NTNG1: variants seen among roughly 807,000 people sequenced by gnomAD.
NTNG1 encodes netrin-G1.
In NTNG1, 16 loss-of-function variants were observed where a neutral mutation model predicts 54.0. The observed-to-expected ratio is 0.30, with a 90% CI of 0.20 to 0.45. The LOEUF (loss-of-function observed/expected upper bound fraction) is 0.45, where lower values mean the gene tolerates loss of function less well. Among genes scored for constraint, NTNG1 ranks in the 20% least tolerant of loss-of-function variants. The probability of loss-of-function intolerance (pLI) is 1.00; values close to 1 mark genes in which losing one functional copy is unlikely to be tolerated. For synonymous variants in NTNG1, 255 were observed against 263.1 expected (o/e 0.97, Z 0.30); for missense variants, 530 against 678.7 (o/e 0.78, Z 2.43).
At chr1:107,362,991 C>T (rs1198081563) in intron 3 of NTNG1, among the ~76,000 whole-genome samples, 1 of 152,082 alleles carries the variant, frequency 6.6e-6, no homozygotes, top group Non-Finnish European at 1.5e-5. Context: ...CCATGGCTGG[C>T]TTTTATCATA....
intron 2 of NTNG1, among the ~76,000 whole-genome samples, chr1:107,219,281 A>G (rs1660185609): frequency 6.6e-6 from 1 of 151,906 alleles, no homozygotes; most frequent in Non-Finnish European, 1.5e-5. Context: ...TTTTATATTT[A>G]TCCTCTCTAT....
intron 2 of NTNG1, among the ~76,000 whole-genome samples, chr1:107,298,846 C>T (rs1002669915): frequency 1.3e-5 from 2 of 152,112 alleles, no homozygotes; most frequent in African/African-American, 4.8e-5. Context: ...GTGATTCTTG[C>T]CTGAAAACCT....
chr1:107,302,278 C>T (rs1032383060), intron 2 of NTNG1, among the ~76,000 whole-genome samples: 24 of 152,038 alleles, frequency 1.6e-4, no homozygotes, highest in African/African-American at 5.8e-4. Flanking sequence ...TAAGATAGGT[C>T]TGCCCCATAA....
intron 3 of NTNG1, among the ~76,000 whole-genome samples, chr1:107,386,195 G>A (rs188519797): frequency 1.4e-5 from 2 of 140,908 alleles, no homozygotes; most frequent in African/African-American, 5.5e-5. Flanking sequence ...TTGAAATGGG[G>A]TTTCACTCTT....
intron 2 of NTNG1, among the ~76,000 whole-genome samples, chr1:107,266,382 A>G (rs555464717): frequency 1.4e-4 from 22 of 152,298 alleles, no homozygotes; most frequent in Non-Finnish European, 2.8e-4. Context: ...ACTTTTAACC[A>G]TGGCAGAAAG....
intron 4 of NTNG1, chr1:107,395,619 C>A: frequency 3.8e-6 from 2 of 532,324 alleles, no homozygotes; most frequent in East Asian, 3.8e-5. Context: ...TTTTCCTCCC[C>A]CAAATTAATT....
intron 2 of NTNG1, among the ~76,000 whole-genome samples, chr1:107,185,446 T>C (rs1451591811): frequency 1.3e-5 from 2 of 152,160 alleles, no homozygotes; most frequent in Admixed American, 1.3e-4. Context: ...TCACTCTGTG[T>C]GTGTCTGTGT....
At chr1:107,187,723 C>G (rs921573353) in intron 2 of NTNG1, among the ~76,000 whole-genome samples, 2 of 152,134 alleles carry the variant, frequency 1.3e-5, no homozygotes, top group Admixed American at 1.3e-4. Context: ...TGGTGAGAAA[C>G]ACTGAGACCA....
chr1:107,257,134 T>A (rs1363569659), intron 2 of NTNG1, among the ~76,000 whole-genome samples: 2 of 152,212 alleles, frequency 1.3e-5, no homozygotes, highest in Admixed American at 1.3e-4. Context: ...AAAAAGAGAT[T>A]ATGTGCTATT....
At chr1:107,255,170 A>G (rs578246880) in intron 2 of NTNG1, among the ~76,000 whole-genome samples, 1 of 152,378 alleles carries the variant, frequency 6.6e-6, no homozygotes, top group East Asian at 1.9e-4. Context: ...AAGTTGCCTC[A>G]TGTTTTAATC....
intron 7 of NTNG1, among the ~76,000 whole-genome samples, chr1:107,474,071 T>A (rs1333275260): frequency 6.6e-6 from 1 of 152,206 alleles, no homozygotes; most frequent in Non-Finnish European, 1.5e-5. Flanking sequence ...CAAAGCAGTA[T>A]TAGTTTTTCT....
chr1:107,220,863 T>G (rs1255146801), intron 2 of NTNG1, among the ~76,000 whole-genome samples: 1 of 152,170 alleles, frequency 6.6e-6, no homozygotes, highest in Non-Finnish European at 1.5e-5. Flanking sequence ...AAAAATGACA[T>G]GTATTTCCCT....
rs1209353839 is a variant in NTNG1, at chr1:107,482,770, T to A, written c.*1930T>A. 6.6e-6 allele frequency: 1 copy of A among 152,166 alleles called. No individual in the cohort carries two copies. The highest frequency in any genetic ancestry group is 1.5e-5 in the Non-Finnish European group (1 of 68,026). 9.4% of individuals were successfully genotyped at this position (152,166 alleles called of 1,614,324 possible). On this transcript the variant is annotated 3_prime_UTR_variant, in exon 8 of 8. Transcript: ENST00000370068. The stretch of plus-strand genomic sequence containing the variant: ...GAGGAATGTCTCCTGATAAATAACC[T>A]GGGTAAAAACTAGATGAAGGAACAG...
At chr1:107,478,814 A>G (rs1678503772) in intron 7 of NTNG1, among the ~76,000 whole-genome samples, 1 of 152,248 alleles carries the variant, frequency 6.6e-6, no homozygotes, top group African/African-American at 2.4e-5. Context: ...GAAAACCTAC[A>G]TATGCTTTCC....
chr1:107,250,578 A>G lies in NTNG1; in HGVS notation c.247-73704A>G, dbSNP rs202006442. On this transcript the variant is annotated intron_variant, in intron 2 of 7. Coordinates refer to ENST00000370068, the MANE Select transcript of NTNG1 (RefSeq NM_001113226.3). Reference sequence around the variant, plus strand: ...GTATAATAATTAAAAAATAAAAAAAATAAAAAAAATAAAAGAAAGACAACT... The same window carrying G: ...GTATAATAATTAAAAAATAAAAAAAGTAAAAAAAATAAAAGAAAGACAACT... 4.8e-5 allele frequency among the ~76,000 whole-genome samples: 7 copies of G among 144,588 alleles called. No individual in the cohort carries two copies. In the East Asian group the frequency reaches 1.4e-3, roughly 29 times the overall value. 94.9% of individuals were successfully genotyped at this position (144,588 alleles called of 152,430 possible). A position where few individuals can be genotyped will look rare whatever the true frequency, so the allele number is the denominator to read the frequency against.
At chr1:107,344,710 C>T (rs887876989) in intron 3 of NTNG1, among the ~76,000 whole-genome samples, 2 of 152,094 alleles carry the variant, frequency 1.3e-5, no homozygotes, top group Admixed American at 1.3e-4. Flanking sequence ...AATTTCATAA[C>T]CCTCCCTTAA....
In NTNG1 at chr1:107,196,950, G is replaced by T. The variant is rs191608550; in HGVS notation, c.246+48111G>T. 2.0e-4 allele frequency among the ~76,000 whole-genome samples: 30 copies of T among 152,010 alleles called. No homozygotes were observed. The East Asian group carries it at 4.9e-3, about 25-fold the overall frequency. ...TTGTCATTCTCGGGCGGGTGTGTGTGTGTGCGCACGTGCATGCATGTTGGG... is the reference window on the plus strand; with the variant it reads ...TTGTCATTCTCGGGCGGGTGTGTGTTTGTGCGCACGTGCATGCATGTTGGG... On this transcript the variant is annotated intron_variant, in intron 2 of 7. Coordinates refer to ENST00000370068, the MANE Select transcript of NTNG1 (RefSeq NM_001113226.3).
chr1:107,271,955 A>G (rs1337763846), intron 2 of NTNG1, among the ~76,000 whole-genome samples: 1 of 152,204 alleles, frequency 6.6e-6, no homozygotes, highest in East Asian at 1.9e-4. Flanking sequence ...TACCTGTTCT[A>G]AAAACAATGA....
intron 1 of NTNG1, among the ~76,000 whole-genome samples, chr1:107,145,598 A>G (rs1654043732): frequency 6.6e-6 from 1 of 152,082 alleles, no homozygotes; most frequent in South Asian, 2.1e-4. Context: ...GCCATGCCAT[A>G]TTAGTGCTTG....
Sources: allele counts gnomAD v4.1 joint callset (sites outside exome capture counted in the v4.1 genomes callset), GRCh38; gene constraint gnomAD v4.1.1; transcripts MANE v1.5; gene names NCBI Gene and HGNC (gene_info 2026-07-23, HGNC 2026-07-21).